Variants in MICAL2 observed in about 807,000 individuals in gnomAD.
MICAL2 encodes [F-actin]-monooxygenase MICAL2.
A neutral mutation model predicts 127.3 loss-of-function variants in MICAL2; 77 were observed. The ratio of observed to expected loss-of-function variants is 0.60; its 90% CI spans 0.50 to 0.73. The LOEUF (loss-of-function observed/expected upper bound fraction) is 0.73, where lower values mean the gene tolerates loss of function less well. Among genes scored for constraint, MICAL2 ranks in the 30% least tolerant of loss-of-function variants. The probability of loss-of-function intolerance (pLI) is 0.00; values close to 1 mark genes in which losing one functional copy is unlikely to be tolerated. For missense variants in MICAL2, 1,351 were observed against 1,434.4 expected, an observed-to-expected ratio of 0.94 and a Z score of 0.94; for synonymous variants, 570 against 551.1, an observed-to-expected ratio of 1.03 and a Z score of -0.48.
intron 2 of MICAL2, among the ~76,000 whole-genome samples, chr11:12,139,002 C>T (rs1267350496): frequency 6.6e-6 from 1 of 152,076 alleles, no homozygotes; most frequent in Non-Finnish European, 1.5e-5. Context: ...TAATAAGTGC[C>T]CAGGACTCAC....
chr11:12,239,581 A>G lies in MICAL2; in HGVS notation c.2210A>G (p.Lys737Arg). The change falls in exon 17 of 28, where the codon AAG becomes AGG. Residue 737 changes from lysine to arginine, a missense_variant. Physicochemically the swap from Lys to Arg is conservative, Grantham distance 26 (BLOSUM62 2). This residue lies in a region of MICAL2 where 752 missense variants were observed against 719.4 expected (regional missense o/e 1.05). Transcript: ENST00000683283. ...AGCACTCGGAACCCCTCACTCATGA[A>G]GCAGGTGAGTCATGTCAAATACTCA... is the stretch of plus-strand genomic sequence containing the variant. ...EESTRNPSLMKQERRVSGIGK... is the reference protein window; with the variant it reads ...EESTRNPSLMRQERRVSGIGK... 1 of 1,614,016 alleles carries G rather than the reference A, an allele frequency of 6.2e-7. No homozygotes were observed. The highest frequency in any genetic ancestry group is 8.5e-7 in the Non-Finnish European group (1 of 1,179,944).
At chr11:12,305,496 A>G (rs1340918088) in intron 29 of MICAL2, among the ~76,000 whole-genome samples, 1 of 123,634 alleles carries the variant, frequency 8.1e-6, no homozygotes, top group Non-Finnish European at 1.6e-5. Flanking sequence ...TGTATTTACT[A>G]CTACATTTTT....
In MICAL2 at chr11:12,154,332, C is replaced by A. The variant is rs550921187; in HGVS notation, c.-77-7747C>A. ...GTGCTGAGTTCCACCAAGACCTGAG[C>A]GCTTGTTAGGCCTGGAGAAGATAAG... is the stretch of plus-strand genomic sequence containing the variant. On this transcript the variant is annotated intron_variant, in intron 2 of 27. Transcript: ENST00000683283. 2.0e-5 allele frequency among the ~76,000 whole-genome samples: 3 copies of A among 152,150 alleles called. No individual in the cohort carries two copies. The East Asian group carries it at 5.8e-4, about 29-fold the overall frequency.
At position 12,220,182 on chromosome 11, in the gene MICAL2, A is replaced by G; in HGVS notation, c.949-19A>G. 5.6e-6 allele frequency: 9 copies of G among 1,613,576 alleles called. No individual in the cohort carries two copies. The highest frequency in any genetic ancestry group is 6.8e-6 in the Non-Finnish European group (8 of 1,179,718). On this transcript the variant is annotated intron_variant, in intron 8 of 27. Coordinates refer to ENST00000683283, the MANE Select transcript of MICAL2 (RefSeq NM_001282663.2). ...CTTTAGAGGGGGAGGTTGCTGCACCATGTTTTCATCTTCCCCAGGACTACA... is the reference window on the plus strand; with the variant it reads ...CTTTAGAGGGGGAGGTTGCTGCACCGTGTTTTCATCTTCCCCAGGACTACA...
intron 32 of MICAL2, among the ~76,000 whole-genome samples, chr11:12,338,636 T>C (rs1938808144): frequency 6.6e-6 from 1 of 152,254 alleles, no homozygotes; most frequent in Admixed American, 6.5e-5. Context: ...AGGAGCTCTT[T>C]TAGGGCAGGC....
At chr11:12,124,653 T>C (rs1012895843) in intron 1 of MICAL2, among the ~76,000 whole-genome samples, 1 of 152,182 alleles carries the variant, frequency 6.6e-6, no homozygotes, top group African/African-American at 2.4e-5. Flanking sequence ...AATATCCTTT[T>C]TAAAAAACAA....
intron 32 of MICAL2, among the ~76,000 whole-genome samples, chr11:12,333,316 A>G (rs1026232853): frequency 1.3e-5 from 2 of 152,078 alleles, no homozygotes; most frequent in African/African-American, 4.8e-5. Context: ...AAGAAGGAAA[A>G]TCATTTGACA....
Position 12,324,082 on chromosome 11 carries a change from A to T in MICAL2, c.5421+12A>T, listed in dbSNP as rs190214014. 287 of 1,605,532 alleles carry T rather than the reference A, an allele frequency of 1.8e-4. No homozygotes were observed. The African/African-American group carries it at 3.5e-3, about 20-fold the overall frequency. ...TCTATAAGGCTCAGGTCAGTAAATA[A>T]ACTGGACATGAGTGAGTGGGCCTGG... On this transcript the variant is annotated intron_variant, in intron 31 of 34. Coordinates refer to the MICAL2 transcript ENST00000646065.
rs770197834 is a variant in MICAL2 at position 12,242,799 on chromosome 11, A to G, written c.2658+27A>G. The G allele has an allele frequency of 5.9e-6, 9 of 1,530,840 alleles. No individual in the cohort carries two copies. In the Admixed American group the frequency reaches 1.2e-4, roughly 21 times the overall value. 94.8% of individuals were successfully genotyped at this position (1,530,840 alleles called of 1,614,324 possible). ...TAAACATGGGGCTTTCAGAGCCCCC[A>G]GGAACCTGATGCTGGACATCCAGCC... On this transcript the variant is annotated intron_variant, in intron 20 of 27. Transcript: ENST00000683283.
intron 7 of MICAL2, among the ~76,000 whole-genome samples, chr11:12,214,112 A>G (rs1276715840): frequency 6.6e-6 from 1 of 152,208 alleles, no homozygotes; most frequent in Non-Finnish European, 1.5e-5. Context: ...CAATACACAA[A>G]TAAACCAGTG....
At chr11:12,249,373 G>T in intron 22 of MICAL2, 127 bp downstream of exon 22, 1 of 632,966 alleles carries the variant, frequency 1.6e-6, no homozygotes, top group Non-Finnish European at 2.9e-6. Context: ...ACCAGGGGAC[G>T]AAGGTGGGCA....
intron 2 of MICAL2, among the ~76,000 whole-genome samples, chr11:12,284,245 T>C (rs541627263): frequency 6.6e-6 from 1 of 152,280 alleles, no homozygotes; most frequent in East Asian, 1.9e-4. Flanking sequence ...AATAATTTGA[T>C]CCAATGGAAT....
intron 2 of MICAL2, among the ~76,000 whole-genome samples, chr11:12,152,133 CAAA>C (rs71037057): frequency 8.1e-6 from 1 of 123,502 alleles, no homozygotes. Context: ...ACTAAAAATA[CAAA>C]AAAAAAAAAA....
intron 21 of MICAL2, among the ~76,000 whole-genome samples, chr11:12,247,139 G>A (rs1860867501): frequency 6.6e-6 from 1 of 152,112 alleles, no homozygotes; most frequent in African/African-American, 2.4e-5. Context: ...CCAGGCCAGT[G>A]CTCTCCTGTG....
intron 18 of MICAL2, 149 bp from the exon 19 acceptor site, chr11:12,242,065 A>G (rs1860044208): frequency 1.6e-6 from 1 of 614,862 alleles, no homozygotes; most frequent in East Asian, 2.9e-5. Context: ...CAGGTGGTGG[A>G]GAGTCAACAC....
At chr11:12,301,767 A>G (rs896151394) in intron 29 of MICAL2, among the ~76,000 whole-genome samples, 5 of 152,186 alleles carry the variant, frequency 3.3e-5, no homozygotes, top group Non-Finnish European at 7.4e-5. Flanking sequence ...TGCATCTGTT[A>G]GCTGGCAGTT....
intron 2 of MICAL2, chr11:12,286,978 C>A: frequency 2.5e-6 from 1 of 397,316 alleles, no homozygotes; most frequent in South Asian, 1.3e-4. Context: ...AATCATTAGT[C>A]TATTGACTTG....
chr11:12,226,269 G>T lies in MICAL2; in HGVS notation c.1787G>T (p.Gly596Val), dbSNP rs1217995891. 6.2e-7 allele frequency: 1 copy of T among 1,614,240 alleles called. No individual in the cohort carries two copies. The highest frequency in any genetic ancestry group is 8.5e-7 in the Non-Finnish European group (1 of 1,180,036). ...REFGIPPVTT[G>V]KEMASAQEPD... is the part of the protein sequence containing the mutation. ...TTTGGGATCCCTCCAGTGACCACGGGCAAAGAGATGGCATCTGCCCAGGAG... is the reference window on the plus strand; with the variant it reads ...TTTGGGATCCCTCCAGTGACCACGGTCAAAGAGATGGCATCTGCCCAGGAG... The change falls in exon 14 of 28, where the codon GGC becomes GTC. Residue 596 changes from glycine to valine, a missense_variant. Physicochemically the swap from Gly to Val is moderately radical, Grantham distance 109. Coordinates refer to ENST00000683283, the MANE Select transcript of MICAL2 (RefSeq NM_001282663.2).
At chr11:12,284,600 T>G (rs891931464) in intron 2 of MICAL2, among the ~76,000 whole-genome samples, 5 of 152,118 alleles carry the variant, frequency 3.3e-5, no homozygotes, top group Non-Finnish European at 7.3e-5. Flanking sequence ...GAAGAAGCAA[T>G]TAGAGCTTTA....
Sources: allele counts gnomAD v4.1 joint callset (sites outside exome capture counted in the v4.1 genomes callset), GRCh38; gene constraint gnomAD v4.1.1; regional missense constraint gnomAD v4.1.1; transcripts MANE v1.5; gene names NCBI Gene and HGNC (gene_info 2026-07-23, HGNC 2026-07-21).